Variants in ZNF735 observed in about 807,000 individuals in gnomAD.
ZNF735 encodes the protein zinc finger protein 735.
In ZNF735, 11 loss-of-function variants were observed where a neutral mutation model predicts 13.4. That is an observed-to-expected ratio of 0.82 (90% CI 0.52 to 1.36). The LOEUF (loss-of-function observed/expected upper bound fraction) is 1.36. ZNF735 is among the 40% of genes most tolerant of loss of function. ZNF735 has a pLI of 0.00. For synonymous variants in ZNF735, 171 were observed against 162.6 expected (o/e 1.05, Z -0.39); for missense variants, 500 against 484.6 (o/e 1.03, Z -0.30).
At position 64,209,977 on chromosome 7, in the gene ZNF735, G is replaced by C. The variant is rs183677509; in HGVS notation, c.39+2736G>C. Among the ~76,000 whole-genome samples the C allele has an allele frequency of 2.6e-3, 388 of 151,912 alleles. 7 individuals are homozygous for C. The highest frequency in any genetic ancestry group is 1.2e-3 in the Non-Finnish European group (79 of 67,944). On this transcript the variant is annotated intron_variant, in intron 1 of 3. Transcript: ENST00000429565. The stretch of plus-strand genomic sequence containing the variant: ...AATTTCATCATTTTGTATGTTTTTT[G>C]TATTGAATTATTATTCTATATATTT...
intron 1 of ZNF735, among the ~76,000 whole-genome samples, chr7:64,209,163 A>C (rs960742132): frequency 1.3e-4 from 20 of 151,006 alleles, no homozygotes; most frequent in Admixed American, 8.6e-4. Context: ...GGTTAAACAA[A>C]TTTATACTCT....
chr7:64,214,230 G>C (rs773325017), intron 3 of ZNF735, 122 bp downstream of exon 3: 158 of 1,091,052 alleles, frequency 1.4e-4, no homozygotes, highest in Non-Finnish European at 1.9e-4. Flanking sequence ...TGAGAAGCTT[G>C]AGTATTTTTT....
intron 1 of ZNF735, among the ~76,000 whole-genome samples, chr7:64,212,216 G>T (rs181090166): frequency 1.3e-3 from 202 of 152,164 alleles, no homozygotes; most frequent in African/African-American, 4.7e-3. Flanking sequence ...AAAGTTGAAG[G>T]CTCTTATCTT....
chr7:64,211,889 A>G (rs1288589956), intron 1 of ZNF735, among the ~76,000 whole-genome samples: 1 of 100,092 alleles, frequency 1.0e-5, no homozygotes, highest in Non-Finnish European at 2.1e-5. Flanking sequence ...AAAAGAAAAA[A>G]AATATATATA....
At chr7:64,209,034 G>A (rs559354731) in intron 1 of ZNF735, among the ~76,000 whole-genome samples, 14 of 152,234 alleles carry the variant, frequency 9.2e-5, no homozygotes, top group African/African-American at 2.6e-4. Flanking sequence ...AAACATATGC[G>A]TGCATGTGTC....
chr7:64,213,300 A>G, intron 2 of ZNF735, 82 bp downstream of exon 2: 9 of 1,390,192 alleles, frequency 6.5e-6, no homozygotes, highest in Non-Finnish European at 8.8e-6. Flanking sequence ...TCTGCTTTGC[A>G]TGAATGAATT....
At chr7:64,207,542 A>G (rs989475510) in intron 1 of ZNF735, among the ~76,000 whole-genome samples, 9 of 152,114 alleles carry the variant, frequency 5.9e-5, no homozygotes, top group African/African-American at 2.2e-4. Flanking sequence ...GGGATTGGGA[A>G]AGTTATCAGG....
At chr7:64,219,005 G>A (rs1196700979) in intron 3 of ZNF735, among the ~76,000 whole-genome samples, 1 of 145,802 alleles carries the variant, frequency 6.9e-6, no homozygotes, top group Admixed American at 6.8e-5. Flanking sequence ...GTCATTAAAG[G>A]CACCATGTTC....
chr7:64,217,968 T>C lies in ZNF735; in HGVS notation c.263-1346T>C, dbSNP rs577000277. ...AAAGAATAACTAAAAATGTTTTCTG[T>C]ACAATCACAATAATGCCACAGAATT... is the stretch of plus-strand genomic sequence containing the variant. On this transcript the variant is annotated intron_variant, in intron 3 of 3. Coordinates refer to ENST00000429565, the Ensembl canonical transcript of ZNF735. 5.3e-5 allele frequency among the ~76,000 whole-genome samples: 8 copies of C among 152,292 alleles called. No homozygotes were observed. In the East Asian group the frequency reaches 1.5e-3, roughly 29 times the overall value.
chr7:64,212,632 A>C (rs901430966), intron 1 of ZNF735, among the ~76,000 whole-genome samples: 1 of 152,052 alleles, frequency 6.6e-6, no homozygotes, highest in East Asian at 1.9e-4. Flanking sequence ...TTCTCTACTA[A>C]AAATACAAAA....
At chr7:64,211,889 A>AG (rs1787364514) in intron 1 of ZNF735, among the ~76,000 whole-genome samples, 1 of 100,092 alleles carries the variant, frequency 1.0e-5, no homozygotes, top group South Asian at 3.3e-4. Context: ...AAAAGAAAAA[A>AG]AATATATATA....
chr7:64,213,556 T>C (rs1375209912), intron 2 of ZNF735, among the ~76,000 whole-genome samples: 1 of 152,196 alleles, frequency 6.6e-6, no homozygotes, highest in African/African-American at 2.4e-5. Context: ...AAATTTAAAA[T>C]ATTTTCTAAA....
chr7:64,213,977 T>C, intron 2 of ZNF735, 36 bp from the exon 3 acceptor site: 1 of 1,520,152 alleles, frequency 6.6e-7, no homozygotes, highest in Non-Finnish European at 8.8e-7. Context: ...AATAAATAAA[T>C]AAGATTTAAG....
chr7:64,213,792 C>G (rs1357285736), intron 2 of ZNF735, among the ~76,000 whole-genome samples: 1 of 151,922 alleles, frequency 6.6e-6, no homozygotes, highest in Admixed American at 6.6e-5. Flanking sequence ...AACTCCGTCT[C>G]TACTAAAAAT....
At chr7:64,209,451 G>A (rs962626394) in intron 1 of ZNF735, among the ~76,000 whole-genome samples, 2 of 151,016 alleles carry the variant, frequency 1.3e-5, no homozygotes, top group African/African-American at 2.4e-5. Context: ...TTTTTCAAGC[G>A]ATTCTCCTGG....
In ZNF735 at chr7:64,213,232, C is replaced by T; in HGVS notation, c.166+14C>T. The T allele has an allele frequency of 1.3e-6, 2 of 1,577,570 alleles. No individual in the cohort carries two copies. The highest frequency in any genetic ancestry group is 2.4e-5 in the South Asian group (2 of 84,702). On this transcript the variant is annotated intron_variant, in intron 2 of 3. Transcript: ENST00000429565. Reference sequence around the variant, plus strand: ...TGTTCTCCCTGGGTGAGGTTAACCTCAATACATAATTCCTAATATATTGCC... The same window carrying T: ...TGTTCTCCCTGGGTGAGGTTAACCTTAATACATAATTCCTAATATATTGCC...
At chr7:64,211,861 A>G (rs1487102596) in intron 1 of ZNF735, among the ~76,000 whole-genome samples, 2 of 139,526 alleles carry the variant, frequency 1.4e-5, no homozygotes, top group African/African-American at 5.4e-5. Context: ...GCAAGACTCC[A>G]TCTCAAAAAA....
intron 1 of ZNF735, among the ~76,000 whole-genome samples, chr7:64,210,887 G>A (rs548250231): frequency 6.6e-6 from 1 of 152,226 alleles, no homozygotes; most frequent in Admixed American, 6.5e-5. Flanking sequence ...TTCTCAAGAT[G>A]CAGGTTTGAT....
chr7:64,210,717 A>G (rs1002039598), intron 1 of ZNF735, among the ~76,000 whole-genome samples: 6 of 151,898 alleles, frequency 4.0e-5, no homozygotes, highest in Non-Finnish European at 8.8e-5. Context: ...AGAAACTTAT[A>G]TTTTATTAGT....
Sources: gnomAD v4.1 joint callset for allele counts (sites outside exome capture counted in the v4.1 genomes callset) on GRCh38, gnomAD v4.1.1 for gene constraint, MANE v1.5 for transcripts, NCBI Gene and HGNC (gene_info 2026-07-23, HGNC 2026-07-21) for gene names.